The following DPP10 variants were observed in gnomAD, a reference collection of about 807,000 sequenced individuals.
DPP10 encodes dipeptidyl peptidase like 10.
In DPP10, 33 loss-of-function variants were observed where a neutral mutation model predicts 120.9. The ratio of observed to expected loss-of-function variants is 0.27; its 90% CI spans 0.21 to 0.37. DPP10 has a LOEUF of 0.37. Among genes scored for constraint, DPP10 ranks in the 10% least tolerant of loss-of-function variants. The probability of loss-of-function intolerance (pLI) is 1.00; values close to 1 mark genes in which losing one functional copy is unlikely to be tolerated. For synonymous variants in DPP10, 337 were observed against 326.1 expected (o/e 1.03, Z -0.36); for missense variants, 816 against 942.8 (o/e 0.87, Z 1.76).
At chr2:114,921,584 A>G (rs1050722190) in intron 1 of DPP10, among the ~76,000 whole-genome samples, 7 of 152,216 alleles carry the variant, frequency 4.6e-5, no homozygotes, top group Admixed American at 1.3e-4. Context: ...TAGATGTCAA[A>G]TTAAAATGTG....
chr2:115,730,766 T>C (rs538920136), intron 8 of DPP10, among the ~76,000 whole-genome samples: 1 of 152,268 alleles, frequency 6.6e-6, no homozygotes, highest in East Asian at 1.9e-4. Flanking sequence ...AAACGGGTAA[T>C]ACAAACTTTT....
chr2:115,750,634 A>G (rs1678583220), intron 10 of DPP10, among the ~76,000 whole-genome samples: 1 of 152,208 alleles, frequency 6.6e-6, no homozygotes. Flanking sequence ...AATCAAAGAG[A>G]ACTATAAGTA....
At chr2:115,262,474 ATATT>A (rs1337462050) in intron 1 of DPP10, among the ~76,000 whole-genome samples, 15 of 152,076 alleles carry the variant, frequency 9.9e-5, no homozygotes, top group Non-Finnish European at 2.1e-4. Flanking sequence ...ATACAGGTAA[ATATT>A]TATTCATTTT....
At chr2:115,103,227 G>A (rs1172687012) in intron 1 of DPP10, among the ~76,000 whole-genome samples, 6 of 129,178 alleles carry the variant, frequency 4.6e-5, no homozygotes, top group South Asian at 4.7e-4. Context: ...TCACTGTGTC[G>A]CCCAGGCTGG....
intron 5 of DPP10, among the ~76,000 whole-genome samples, chr2:115,655,625 TG>T (rs2088238943): frequency 6.6e-6 from 1 of 151,608 alleles, no homozygotes; most frequent in African/African-American, 2.4e-5. Flanking sequence ...TACGCACCCT[TG>T]TCCTTTTCCT....
intron 1 of DPP10, among the ~76,000 whole-genome samples, chr2:114,645,875 G>T (rs1448474640): frequency 6.6e-6 from 1 of 152,084 alleles, no homozygotes; most frequent in African/African-American, 2.4e-5. Flanking sequence ...AGCTGAAAGA[G>T]GAATTAAAGG....
At chr2:114,801,515 C>A (rs896691479) in intron 1 of DPP10, among the ~76,000 whole-genome samples, 54 of 152,226 alleles carry the variant, frequency 3.5e-4, no homozygotes, top group African/African-American at 1.2e-3. Context: ...TGCCTGCAAC[C>A]TCTTTGTGTT....
At chr2:115,112,523 A>G (rs994511205) in intron 1 of DPP10, among the ~76,000 whole-genome samples, 3 of 151,892 alleles carry the variant, frequency 2.0e-5, no homozygotes, top group African/African-American at 7.2e-5. Flanking sequence ...GCTAATTAAC[A>G]TATGTGTTAC....
intron 1 of DPP10, among the ~76,000 whole-genome samples, chr2:115,031,107 A>G (rs1703809929): frequency 6.6e-6 from 1 of 152,126 alleles, no homozygotes; most frequent in African/African-American, 2.4e-5. Flanking sequence ...TCTAAGCACC[A>G]TGCAAGAGGC....
At chr2:115,435,967 G>A (rs535227931) in intron 3 of DPP10, among the ~76,000 whole-genome samples, 2 of 151,800 alleles carry the variant, frequency 1.3e-5, no homozygotes, top group Non-Finnish European at 2.9e-5. Flanking sequence ...TCCAATGCAT[G>A]TTCTTGGCAC....
At chr2:114,461,080 G>A (rs1327430592) in intron 1 of DPP10, among the ~76,000 whole-genome samples, 2 of 152,298 alleles carry the variant, frequency 1.3e-5, no homozygotes, top group Non-Finnish European at 2.9e-5. Flanking sequence ...AACAAATACA[G>A]TCTATAAAAT....
intron 1 of DPP10, among the ~76,000 whole-genome samples, chr2:114,743,239 T>A (rs1027465317): frequency 1.3e-5 from 2 of 152,186 alleles, no homozygotes; most frequent in Admixed American, 1.3e-4. Flanking sequence ...CATTTATAAT[T>A]ATGGTGTTCA....
At chr2:115,262,112 GA>G (rs200572167) in intron 1 of DPP10, among the ~76,000 whole-genome samples, 2 of 149,912 alleles carry the variant, frequency 1.3e-5, no homozygotes, top group Admixed American at 6.6e-5. Context: ...GAAGTAATTT[GA>G]AAAAAAAATC....
chr2:114,792,838 G>A (rs1683365757), intron 1 of DPP10, among the ~76,000 whole-genome samples: 1 of 152,092 alleles, frequency 6.6e-6, no homozygotes, highest in Admixed American at 6.6e-5. Flanking sequence ...AGGATTCTTA[G>A]AAGCTTGTAC....
At chr2:115,223,790 A>G (rs189211690) in intron 1 of DPP10, among the ~76,000 whole-genome samples, 1 of 152,244 alleles carries the variant, frequency 6.6e-6, no homozygotes, top group East Asian at 1.9e-4. Context: ...AATGATTAAT[A>G]GCATGCACAA....
chr2:115,809,070 C>A (rs1453234954), intron 19 of DPP10, among the ~76,000 whole-genome samples: 4 of 152,048 alleles, frequency 2.6e-5, no homozygotes, highest in African/African-American at 9.7e-5. Context: ...GGAATGTGGA[C>A]AAGAAACAGT....
chr2:115,570,059 A>G (rs1376622256), intron 5 of DPP10, among the ~76,000 whole-genome samples: 3 of 152,340 alleles, frequency 2.0e-5, no homozygotes, highest in Admixed American at 6.5e-5. Context: ...CTGATCGTCA[A>G]AGAAAATTCT....
chr2:115,006,113 A>C (rs1478213570), intron 1 of DPP10, among the ~76,000 whole-genome samples: 2 of 152,188 alleles, frequency 1.3e-5, no homozygotes, highest in African/African-American at 4.8e-5. Flanking sequence ...TATCCAGGCA[A>C]ACTAAGTTTC....
Position 115,343,897 on chromosome 2 carries a change from G to T in DPP10, c.256G>T (p.Ala86Ser), listed in dbSNP as rs2063574797. Residue 86 changes from alanine (A) to serine (S), a missense_variant, in exon 3 of 26, where the codon GCT becomes TCT. Physicochemically the swap from Ala to Ser is moderately conservative, Grantham distance 99. Transcript: ENST00000410059. ...RKDFVLHDPE[A>S]RWINDTDVVY... ...AGACTTTGTGCTTCACGATCCAGAG[G>T]CTCGGTGGATCAATGGTAAGTGTAT... is the stretch of plus-strand genomic sequence containing the variant. The T allele has an allele frequency of 1.2e-6, 2 of 1,610,496 alleles. No homozygotes were observed. The highest frequency in any genetic ancestry group is 2.7e-5 in the African/African-American group (2 of 74,686).
Sources: gnomAD v4.1 joint callset for allele counts (sites outside exome capture counted in the v4.1 genomes callset) on GRCh38, gnomAD v4.1.1 for gene constraint, MANE v1.5 for transcripts, NCBI Gene and HGNC (gene_info 2026-07-23, HGNC 2026-07-21) for gene names.